Variants in GRM7 observed in about 807,000 individuals in gnomAD.
GRM7 encodes the protein metabotropic glutamate receptor 7.
GRM7 carries 35 observed loss-of-function variants against 84.5 expected under a neutral mutation model. That is an observed-to-expected ratio of 0.41 (90% CI 0.32 to 0.55). GRM7 has a LOEUF of 0.55. GRM7 is among the 20% of genes least tolerant of loss of function. The pLI is 0.19. For synonymous variants in GRM7, 487 were observed against 455.1 expected (o/e 1.07, Z -0.89); for missense variants, 1,003 against 1,194.6 (o/e 0.84, Z 2.36).
intron 1 of GRM7, among the ~76,000 whole-genome samples, chr3:7,105,422 C>T (rs1393057227): frequency 6.6e-6 from 1 of 151,842 alleles, no homozygotes; most frequent in African/African-American, 2.4e-5. Context: ...TTCTTTAAGT[C>T]TCTCCTATAG....
intron 1 of GRM7, among the ~76,000 whole-genome samples, chr3:7,069,931 T>C (rs1465998564): frequency 6.6e-6 from 1 of 151,984 alleles, no homozygotes; most frequent in South Asian, 2.1e-4. Context: ...TTCCATAGAG[T>C]TGGAGGAGGA....
chr3:7,468,274 G>C (rs768732698), intron 7 of GRM7, among the ~76,000 whole-genome samples: 2 of 152,134 alleles, frequency 1.3e-5, no homozygotes. Context: ...CAACTTGAAG[G>C]CTTCTTTTGT....
intron 9 of GRM7, among the ~76,000 whole-genome samples, chr3:7,695,105 G>T (rs894512449): frequency 2.0e-5 from 3 of 152,164 alleles, no homozygotes; most frequent in Non-Finnish European, 4.4e-5. Flanking sequence ...TGCACAAGTG[G>T]CATCTACCAT....
At chr3:7,262,470 A>G (rs539812454) in intron 2 of GRM7, among the ~76,000 whole-genome samples, 1 of 152,218 alleles carries the variant, frequency 6.6e-6, no homozygotes, top group Non-Finnish European at 1.5e-5. Context: ...ATTCTTTTCT[A>G]TACTGGCTTT....
chr3:7,433,827 C>T (rs1006007855), intron 5 of GRM7, among the ~76,000 whole-genome samples: 1 of 152,166 alleles, frequency 6.6e-6, no homozygotes, highest in African/African-American at 2.4e-5. Context: ...GATAAAAATG[C>T]TCTCATCCTG....
intron 4 of GRM7, among the ~76,000 whole-genome samples, chr3:7,400,691 C>A (rs1259904210): frequency 1.3e-5 from 2 of 152,158 alleles, no homozygotes; most frequent in South Asian, 4.1e-4. Context: ...TGGCATTTTT[C>A]TTCATCTCTG....
At chr3:7,471,366 A>C (rs1159585499) in intron 7 of GRM7, among the ~76,000 whole-genome samples, 1 of 152,126 alleles carries the variant, frequency 6.6e-6, no homozygotes, top group East Asian at 1.9e-4. Context: ...CTTAGGGAGA[A>C]TCTATTTCTG....
At chr3:7,488,325 G>A (rs1023578036) in intron 7 of GRM7, among the ~76,000 whole-genome samples, 2 of 152,106 alleles carry the variant, frequency 1.3e-5, no homozygotes, top group Admixed American at 6.6e-5. Flanking sequence ...TCACAGTGGA[G>A]GGCAAGGGGC....
chr3:7,136,688 G>T (rs979221729), intron 1 of GRM7, among the ~76,000 whole-genome samples: 4 of 152,120 alleles, frequency 2.6e-5, no homozygotes, highest in Admixed American at 2.6e-4. Context: ...GCAGGTCAAA[G>T]AAATCTGTTC....
chr3:7,418,663 T>G (rs186031591), intron 5 of GRM7, among the ~76,000 whole-genome samples: 4 of 152,246 alleles, frequency 2.6e-5, no homozygotes, highest in Admixed American at 2.6e-4. Flanking sequence ...GAGTATGACC[T>G]CTTTGGGAAT....
intron 4 of GRM7, among the ~76,000 whole-genome samples, chr3:7,390,992 T>C (rs1361704400): frequency 1.3e-5 from 2 of 152,150 alleles, no homozygotes; most frequent in Non-Finnish European, 2.9e-5. Flanking sequence ...TTTTTGTTGT[T>C]GTTGTTGTTT....
intron 1 of GRM7, among the ~76,000 whole-genome samples, chr3:6,993,127 CA>C (rs1402535661): frequency 2.0e-5 from 3 of 152,134 alleles, no homozygotes; most frequent in Non-Finnish European, 4.4e-5. Context: ...GGAAAGAAAA[CA>C]AGAATGAGAA....
chr3:7,154,904 C>T (rs1574968936), intron 2 of GRM7, among the ~76,000 whole-genome samples: 1 of 152,104 alleles, frequency 6.6e-6, no homozygotes, highest in African/African-American at 2.4e-5. Context: ...GAGATTCCTA[C>T]TTCTGTATCT....
chr3:7,301,903 T>G (rs1331545586), intron 3 of GRM7, among the ~76,000 whole-genome samples: 1 of 152,136 alleles, frequency 6.6e-6, no homozygotes, highest in East Asian at 1.9e-4. Flanking sequence ...TTCAGATACT[T>G]TGTCAAAGGC....
intron 2 of GRM7, among the ~76,000 whole-genome samples, chr3:7,198,976 C>A (rs1695975089): frequency 6.6e-6 from 1 of 152,256 alleles, no homozygotes; most frequent in Non-Finnish European, 1.5e-5. Context: ...GATTCATAAA[C>A]AAGGTATGGC....
chr3:7,215,581 C>T (rs1232099405), intron 2 of GRM7, among the ~76,000 whole-genome samples: 1 of 151,932 alleles, frequency 6.6e-6, no homozygotes, highest in Non-Finnish European at 1.5e-5. Flanking sequence ...AGAAGAATGG[C>T]GTGAACCCGG....
chr3:7,096,033 A>G (rs1698848528), intron 1 of GRM7, among the ~76,000 whole-genome samples: 1 of 152,194 alleles, frequency 6.6e-6, no homozygotes, highest in Non-Finnish European at 1.5e-5. Context: ...TGAATATACA[A>G]TGTTTACAGT....
chr3:7,363,242 C>G (rs965287893), intron 4 of GRM7, among the ~76,000 whole-genome samples: 3 of 151,742 alleles, frequency 2.0e-5, no homozygotes, highest in African/African-American at 7.3e-5. Flanking sequence ...ATTTAAATAA[C>G]AGTCTATGTG....
chr3:7,226,729 A>G (rs1025489548), intron 2 of GRM7, among the ~76,000 whole-genome samples: 2 of 152,118 alleles, frequency 1.3e-5, no homozygotes, highest in African/African-American at 4.8e-5. Flanking sequence ...TTCCTTCCCT[A>G]TTCTTTCTCA....
Sources: allele counts gnomAD v4.1 joint callset (sites outside exome capture counted in the v4.1 genomes callset), GRCh38; gene constraint gnomAD v4.1.1; transcripts MANE v1.5; gene names NCBI Gene and HGNC (gene_info 2026-07-23, HGNC 2026-07-21).